ARHGEF12: variants seen among roughly 807,000 people sequenced by gnomAD.
ARHGEF12 encodes Rho guanine nucleotide exchange factor 12, also known as KMT2A/ARHGEF12 fusion protein.
A neutral mutation model predicts 211.2 loss-of-function variants in ARHGEF12; 66 were observed. The ratio of observed to expected loss-of-function variants is 0.31; its 90% CI spans 0.26 to 0.38. The LOEUF (loss-of-function observed/expected upper bound fraction) is 0.38. Among genes scored for constraint, ARHGEF12 ranks in the 10% least tolerant of loss-of-function variants. ARHGEF12 has a pLI of 1.00. For missense variants in ARHGEF12, 1,429 were observed against 1,869.5 expected (o/e 0.76, Z 4.34); for synonymous variants, 592 against 638.4 (o/e 0.93, Z 1.09).
At position 120,372,913 on chromosome 11, in the gene ARHGEF12, A is replaced by G. The variant is rs139876313; in HGVS notation, c.33-33205A>G. Among the ~76,000 whole-genome samples, 997 of 152,264 alleles carry G rather than the reference A, an allele frequency of 6.5e-3. 10 individuals are homozygous for G. The highest frequency in any genetic ancestry group is 0.023 in the African/African-American group (945 of 41,552). Reference sequence around the variant, plus strand: ...TAATTTTCTGCTTAAGGTCACTCTAACTGAGGAACCTACCCCTAGAATTAA... The same window carrying G: ...TAATTTTCTGCTTAAGGTCACTCTAGCTGAGGAACCTACCCCTAGAATTAA... On this transcript the variant is annotated intron_variant, in intron 1 of 40. Transcript: ENST00000397843.
At chr11:120,357,912 A>G (rs1359465534) in intron 1 of ARHGEF12, among the ~76,000 whole-genome samples, 1 of 152,122 alleles carries the variant, frequency 6.6e-6, no homozygotes, top group African/African-American at 2.4e-5. Context: ...AATAGCTCAC[A>G]TTTTCAGGAA....
At chr11:120,454,385 G>A (rs1046461388) in intron 22 of ARHGEF12, among the ~76,000 whole-genome samples, 1 of 152,154 alleles carries the variant, frequency 6.6e-6, no homozygotes, top group Admixed American at 6.5e-5. Flanking sequence ...TCTAAATTAG[G>A]TAGTATACTT....
intron 5 of ARHGEF12, 31 bp downstream of exon 5, chr11:120,420,882 C>A (rs1302252119): frequency 1.3e-6 from 2 of 1,558,752 alleles, no homozygotes; most frequent in Non-Finnish European, 1.8e-6. Flanking sequence ...ATTTATCACT[C>A]AGTAAACAGA....
At chr11:120,461,455 C>T (rs1946527656) in intron 27 of ARHGEF12, among the ~76,000 whole-genome samples, 1 of 151,854 alleles carries the variant, frequency 6.6e-6, no homozygotes, top group South Asian at 2.1e-4. Flanking sequence ...GTCATCTAGG[C>T]TTTGTTGTTT....
chr11:120,385,347 A>G, intron 1 of ARHGEF12: 1 of 985,300 alleles, frequency 1.0e-6, no homozygotes, highest in Non-Finnish European at 1.2e-6. Flanking sequence ...TGCCTTTCCA[A>G]GGATGTCGAA....
intron 1 of ARHGEF12, among the ~76,000 whole-genome samples, chr11:120,347,159 C>CTTTCTTTCTTT (rs1565417015): frequency 1.4e-5 from 1 of 72,932 alleles, no homozygotes; most frequent in African/African-American, 5.9e-5. Context: ...TTCCTTCCTT[C>CTTTCTTTCTTT]CTTCCTTCCT....
intron 22 of ARHGEF12, among the ~76,000 whole-genome samples, chr11:120,454,017 T>C (rs561659869): frequency 4.3e-4 from 65 of 152,338 alleles, no homozygotes; most frequent in Non-Finnish European, 5.1e-4. Context: ...TTTTTTAAAA[T>C]AATTCAGTGA....
intron 11 of ARHGEF12, among the ~76,000 whole-genome samples, chr11:120,433,751 C>G (rs921967732): frequency 6.6e-6 from 1 of 152,086 alleles, no homozygotes; most frequent in East Asian, 1.9e-4. Context: ...GTCAGGAGTT[C>G]AAAACCAGCC....
chr11:120,477,635 T>C (rs534110668), intron 36 of ARHGEF12, 109 bp downstream of exon 36: 2 of 989,428 alleles, frequency 2.0e-6, no homozygotes, highest in Admixed American at 2.3e-5. Context: ...GAGGTCGAGA[T>C]AGGCGTATCA....
chr11:120,408,318 A>C (rs1438311837), intron 3 of ARHGEF12: 1 of 152,276 alleles, frequency 6.6e-6, no homozygotes, highest in Non-Finnish European at 1.5e-5. Context: ...TCAGTCAAAA[A>C]GTATTCTGAA....
intron 1 of ARHGEF12, among the ~76,000 whole-genome samples, chr11:120,371,254 C>T (rs1040070539): frequency 3.3e-5 from 5 of 152,112 alleles, no homozygotes; most frequent in Non-Finnish European, 7.4e-5. Flanking sequence ...TATGGGAGGC[C>T]GAGGCGGGCG....
chr11:120,351,432 TA>T (rs1942949436), intron 1 of ARHGEF12, among the ~76,000 whole-genome samples: 1 of 3,362 alleles, frequency 3.0e-4, no homozygotes, highest in South Asian at 6.4e-3. Flanking sequence ...TATATATATA[TA>T]TATATATATA....
chr11:120,374,855 G>A (rs1368560207), intron 1 of ARHGEF12, among the ~76,000 whole-genome samples: 1 of 151,990 alleles, frequency 6.6e-6, no homozygotes, highest in African/African-American at 2.4e-5. Flanking sequence ...TACTAACATA[G>A]CTCTATTAAA....
chr11:120,485,047 T>C lies in ARHGEF12; in HGVS notation c.4625-20T>C, dbSNP rs140218962. On this transcript the variant is annotated intron_variant, in intron 40 of 40. Coordinates refer to ENST00000397843, the MANE Select transcript of ARHGEF12 (RefSeq NM_015313.3). ...ATTCTTTTTCTTAATATCATTTCCA[T>C]GTATCTTTATTCTTCTCAGATAAAA... The C allele has an allele frequency of 1.7e-3, 2,709 of 1,611,836 alleles. 10 individuals are homozygous for C. Among genetic ancestry groups the C allele is most frequent in the Middle Eastern group, 0.013 (75 of 5,908 alleles).
At chr11:120,375,153 A>G (rs1000144184) in intron 1 of ARHGEF12, among the ~76,000 whole-genome samples, 1 of 152,190 alleles carries the variant, frequency 6.6e-6, no homozygotes, top group Admixed American at 6.5e-5. Context: ...ACAGTTAGCC[A>G]CTGTATGTCT....
At chr11:120,449,901 C>T (rs1026710745) in intron 21 of ARHGEF12, 17 of 151,862 alleles carry the variant, frequency 1.1e-4, no homozygotes, top group African/African-American at 3.6e-4. Flanking sequence ...TTTACTTAGT[C>T]TCCATATTTC....
chr11:120,402,797 GA>G (rs1944580557), intron 1 of ARHGEF12, among the ~76,000 whole-genome samples: 7 of 151,806 alleles, frequency 4.6e-5, no homozygotes. Context: ...ATCAATAAAA[GA>G]AAAAAACAAT....
intron 1 of ARHGEF12, among the ~76,000 whole-genome samples, chr11:120,391,944 C>G (rs529888446): frequency 6.6e-6 from 1 of 152,306 alleles, no homozygotes; most frequent in African/African-American, 2.4e-5. Context: ...ACAAAATAAA[C>G]TGTAAACAGA....
intron 19 of ARHGEF12, 119 bp downstream of exon 19, chr11:120,448,025 C>A: frequency 1.2e-6 from 1 of 868,844 alleles, no homozygotes; most frequent in Non-Finnish European, 1.7e-6. Context: ...TGTGGTCTCT[C>A]TCTGGTGGCT....
Sources: allele counts gnomAD v4.1 joint callset (sites outside exome capture counted in the v4.1 genomes callset), GRCh38; gene constraint gnomAD v4.1.1; transcripts MANE v1.5; gene names NCBI Gene and HGNC (gene_info 2026-07-23, HGNC 2026-07-21).